The following ANKS1B variants were observed in gnomAD, a reference collection of about 807,000 sequenced individuals.
ANKS1B encodes the protein ankyrin repeat and sterile alpha motif domain containing 1B.
A neutral mutation model predicts 148.3 loss-of-function variants in ANKS1B; 36 were observed. The ratio of observed to expected loss-of-function variants is 0.24; its 90% CI spans 0.19 to 0.32. The LOEUF is 0.32. Among genes scored for constraint, ANKS1B ranks in the 10% least tolerant of loss-of-function variants. ANKS1B has a pLI of 1.00. For missense variants in ANKS1B, 1,157 were observed against 1,542.6 expected, an observed-to-expected ratio of 0.75 and a Z score of 4.19; for synonymous variants, 542 against 560.8, an observed-to-expected ratio of 0.97 and a Z score of 0.47.
At chr12:98,950,471 T>C (rs540901479) in intron 17 of ANKS1B, among the ~76,000 whole-genome samples, 2 of 152,240 alleles carry the variant, frequency 1.3e-5, no homozygotes, top group African/African-American at 4.8e-5. Flanking sequence ...CACTCCAGCC[T>C]GGGTAACAGA....
At chr12:99,877,064 A>G (rs957349021) in intron 1 of ANKS1B, among the ~76,000 whole-genome samples, 1 of 152,202 alleles carries the variant, frequency 6.6e-6, no homozygotes, top group African/African-American at 2.4e-5. Context: ...CCTACACAGT[A>G]TAAGAACTTT....
chr12:99,726,848 TA>T (rs1443483544), intron 8 of ANKS1B, among the ~76,000 whole-genome samples: 1 of 152,112 alleles, frequency 6.6e-6, no homozygotes, highest in Admixed American at 6.6e-5. Context: ...CACAAATCAA[TA>T]CATGTACTCC....
intron 9 of ANKS1B, among the ~76,000 whole-genome samples, chr12:99,563,537 C>A: frequency 6.6e-6 from 1 of 152,074 alleles, no homozygotes; most frequent in South Asian, 2.1e-4. Context: ...GTTAACTATC[C>A]TATAATGGGC....
intron 12 of ANKS1B, among the ~76,000 whole-genome samples, chr12:99,327,228 A>AATTATAATAATTATAATTT (rs2086548865): frequency 4.6e-5 from 5 of 108,782 alleles, no homozygotes; most frequent in Admixed American, 4.4e-4. Flanking sequence ...TATAATTTAT[A>AATTATAATAATTATAATTT]ATTATAATAA....
chr12:99,314,170 G>A (rs1176549290), intron 12 of ANKS1B, among the ~76,000 whole-genome samples: 2 of 152,092 alleles, frequency 1.3e-5, no homozygotes, highest in Admixed American at 6.6e-5. Context: ...ATTCACAATT[G>A]CTACAAAGAA....
chr12:99,894,601 T>C (rs1482030086), intron 1 of ANKS1B, among the ~76,000 whole-genome samples: 2 of 150,196 alleles, frequency 1.3e-5, no homozygotes, highest in Non-Finnish European at 3.0e-5. Flanking sequence ...GGTGCAAAAG[T>C]GAGAGGCCTT....
intron 12 of ANKS1B, among the ~76,000 whole-genome samples, chr12:99,310,923 A>G (rs991921226): frequency 6.6e-6 from 1 of 152,164 alleles, no homozygotes. Flanking sequence ...GTTATTTAAA[A>G]TCTCTGTGCC....
chr12:98,812,851 A>C (rs769054820), intron 19 of ANKS1B, among the ~76,000 whole-genome samples: 1 of 152,156 alleles, frequency 6.6e-6, no homozygotes, highest in Non-Finnish European at 1.5e-5. Context: ...TGCTGGGATG[A>C]AAATTATTTT....
At chr12:99,948,958 G>GA (rs1178346980) in intron 1 of ANKS1B, among the ~76,000 whole-genome samples, 14 of 152,140 alleles carry the variant, frequency 9.2e-5, no homozygotes, top group African/African-American at 3.4e-4. Flanking sequence ...AGTGTTGGGG[G>GA]ATAGGAGAAG....
At chr12:99,310,654 C>A (rs1172875669) in intron 12 of ANKS1B, among the ~76,000 whole-genome samples, 1 of 152,126 alleles carries the variant, frequency 6.6e-6, no homozygotes, top group Non-Finnish European at 1.5e-5. Flanking sequence ...CAGGCCTTCA[C>A]ACTCAGGCTG....
rs145592030 is a variant in ANKS1B, at chr12:99,589,759, A to G, written c.1272+65308T>C. Among the ~76,000 whole-genome samples the G allele has an allele frequency of 1.3e-3, 197 of 152,326 alleles. 1 individual carries two copies. Among genetic ancestry groups the G allele is most frequent in the African/African-American group, 4.5e-3 (187 of 41,578 alleles). ...AACCACCTAAATGAATGTATGGTAC[A>G]ATAGGGCGACTATAGTTAACAATAA... On this transcript the variant is annotated intron_variant, in intron 9 of 26. Coordinates refer to ENST00000683438, the MANE Select transcript of ANKS1B (RefSeq NM_001352186.2).
chr12:98,952,575 A>AG (rs1470531980), intron 17 of ANKS1B, among the ~76,000 whole-genome samples: 4 of 152,172 alleles, frequency 2.6e-5, no homozygotes, highest in Admixed American at 1.3e-4. Flanking sequence ...TCCAGTATCC[A>AG]GGACCCTCGG....
At chr12:99,917,220 A>C (rs111634224) in intron 1 of ANKS1B, among the ~76,000 whole-genome samples, 1 of 152,242 alleles carries the variant, frequency 6.6e-6, no homozygotes. Context: ...TCTGAGAAGG[A>C]GGCATGTGGA....
At chr12:99,980,133 G>T (rs2095678282) in intron 1 of ANKS1B, among the ~76,000 whole-genome samples, 1 of 151,272 alleles carries the variant, frequency 6.6e-6, no homozygotes, top group East Asian at 1.9e-4. Context: ...TACCAGAAAG[G>T]GGACCTGGCT....
At chr12:99,688,728 C>CAG (rs2098663231) in intron 8 of ANKS1B, among the ~76,000 whole-genome samples, 1 of 152,054 alleles carries the variant, frequency 6.6e-6, no homozygotes, top group Non-Finnish European at 1.5e-5. Flanking sequence ...CTACTTAGAA[C>CAG]TACTTAGAAG....
chr12:99,426,020 CTA>C (rs575285568), intron 11 of ANKS1B, among the ~76,000 whole-genome samples: 39 of 152,240 alleles, frequency 2.6e-4, no homozygotes, highest in African/African-American at 8.7e-4. Context: ...GTGTGTGTCT[CTA>C]TCTTTTCATA....
At chr12:98,742,171 C>T (rs2097803507), downstream of ANKS1B, among the ~76,000 whole-genome samples, 1 of 152,246 alleles carries the variant, frequency 6.6e-6, no homozygotes, top group Non-Finnish European at 1.5e-5. Flanking sequence ...CGCTCCTCCA[C>T]TGTCTGAACC....
At chr12:98,997,426 G>A (rs1321950976) in intron 17 of ANKS1B, among the ~76,000 whole-genome samples, 3 of 138,888 alleles carry the variant, frequency 2.2e-5, no homozygotes, top group African/African-American at 5.5e-5. Flanking sequence ...TTTTTTTTGA[G>A]ACAAGTCTTG....
chr12:99,780,750 A>C (rs1365302148), intron 5 of ANKS1B, among the ~76,000 whole-genome samples: 1 of 152,226 alleles, frequency 6.6e-6, no homozygotes, highest in East Asian at 1.9e-4. Flanking sequence ...TGTACCATGT[A>C]AGTAACATAA....
Sources: allele counts gnomAD v4.1 joint callset (sites outside exome capture counted in the v4.1 genomes callset), GRCh38; gene constraint gnomAD v4.1.1; transcripts MANE v1.5; gene names NCBI Gene and HGNC (gene_info 2026-07-23, HGNC 2026-07-21).